The following TBC1D16 variants were observed in gnomAD, a reference collection of about 807,000 sequenced individuals.
TBC1D16 encodes the protein CTD-2529O21.1.
Under a neutral mutation model 74.7 loss-of-function variants are expected in TBC1D16, and 58 were observed. The observed-to-expected ratio is 0.78, with a 90% confidence interval of 0.63 to 0.97. The LOEUF (loss-of-function observed/expected upper bound fraction) is 0.97. Among genes scored for constraint, TBC1D16 ranks in the 50% least tolerant of loss-of-function variants. TBC1D16 has a pLI of 0.00. For synonymous variants in TBC1D16, 493 were observed against 474.7 expected (o/e 1.04, Z -0.50); for missense variants, 1,014 against 1,079.5 (o/e 0.94, Z 0.85).
intron 6 of TBC1D16, 80 bp from the exon 7 acceptor site, chr17:79,949,945 TTGG>T: frequency 1.4e-6 from 2 of 1,480,642 alleles, no homozygotes; most frequent in Non-Finnish European, 1.8e-6. Flanking sequence ...GATGTGTGTT[TTGG>T]TGGTTTTTGG....
Position 80,013,233 on chromosome 17 carries a change from A to G in TBC1D16, c.181+134T>C, listed in dbSNP as rs2035956305. On this transcript the variant is annotated intron_variant, in intron 2 of 11. Coordinates refer to ENST00000310924, the MANE Select transcript of TBC1D16 (RefSeq NM_019020.4). ...CCCCAGACCCTCCTTCCGGGAGGAC[A>G]GCTGCTGTTAGTTACACGTTCTGGA... 3 of 860,962 alleles carry G rather than the reference A, an allele frequency of 3.5e-6. No homozygotes were observed. The African/African-American group carries it at 5.3e-5, about 15-fold the overall frequency. 53.3% of individuals were successfully genotyped at this position (860,962 alleles called of 1,614,324 possible). A position where few individuals can be genotyped will look rare whatever the true frequency, so the allele number is the denominator to read the frequency against.
rs996560985 is a variant in TBC1D16, at chr17:80,020,906, A to C, written c.-62-7297T>G. On this transcript the variant is annotated intron_variant, in intron 1 of 11. Coordinates refer to ENST00000310924, the MANE Select transcript of TBC1D16 (RefSeq NM_019020.4). ...CACAGTGGTTCACACTTGTAATTCCAACAATTTGGGAGGCTGACGTGGGAG... is the reference window on the plus strand; with the variant it reads ...CACAGTGGTTCACACTTGTAATTCCCACAATTTGGGAGGCTGACGTGGGAG... 2.6e-4 allele frequency among the ~76,000 whole-genome samples: 39 copies of C among 150,128 alleles called. 6 individuals are homozygous for C. Among genetic ancestry groups the C allele is most frequent in the African/African-American group, 9.6e-4 (38 of 39,480 alleles).
At position 80,007,249 on chromosome 17, in the gene TBC1D16, A is replaced by AC. The variant is rs1430545500; in HGVS notation, c.779+2910dup. Among the ~76,000 whole-genome samples, 1 of 151,084 alleles carries AC rather than the reference A, an allele frequency of 6.6e-6. No homozygotes were observed. Among genetic ancestry groups the AC allele is most frequent in the Non-Finnish European group, 1.5e-5 (1 of 67,784 alleles). On this transcript the variant is annotated intron_variant, in intron 3 of 11. Coordinates refer to ENST00000310924, the MANE Select transcript of TBC1D16 (RefSeq NM_019020.4). The surrounding 1 kb of genome is among the most constrained non-coding windows in gnomAD (Gnocchi z 4.5). ...GGAGCAGGGCCGGGCTGTGGTAAGC[A>AC]CCCCCCAGCACGGTCTCCGGGTGGG...
At position 79,950,812 on chromosome 17, in the gene TBC1D16, G is replaced by GC; in HGVS notation, c.1090-235dup. 6.5e-7 allele frequency: 1 copy of GC among 1,535,232 alleles called. No individual in the cohort carries two copies. The highest frequency in any genetic ancestry group is 8.7e-7 in the Non-Finnish European group (1 of 1,146,422). Reference sequence around the variant, plus strand: ...TCTCTCCTCCCCGGCCCACTGTGCCGCCGCCCCCCACTCTCTCCAACCCCA... The same window carrying GC: ...TCTCTCCTCCCCGGCCCACTGTGCCGCCCGCCCCCCACTCTCTCCAACCCCA... On this transcript the variant is annotated intron_variant, in intron 5 of 11. Coordinates refer to ENST00000310924, the MANE Select transcript of TBC1D16 (RefSeq NM_019020.4). The surrounding 1 kb of genome is among the most constrained non-coding windows in gnomAD (Gnocchi z 4.6).
chr17:80,030,711 A>C (rs923817155), intron 1 of TBC1D16, among the ~76,000 whole-genome samples: 4 of 152,216 alleles, frequency 2.6e-5, no homozygotes, highest in Non-Finnish European at 4.4e-5. Context: ...TGGAGCTGGC[A>C]GTTCCCACTC....
At chr17:79,992,972 G>A (rs1181485690) in intron 3 of TBC1D16, 1 of 152,354 alleles carries the variant, frequency 6.6e-6, no homozygotes, top group Non-Finnish European at 1.5e-5. Flanking sequence ...CCCTCCTGGG[G>A]ACACAAGGGT....
intron 1 of TBC1D16, among the ~76,000 whole-genome samples, chr17:80,028,879 C>T (rs1016112270): frequency 2.0e-5 from 3 of 152,036 alleles, no homozygotes; most frequent in African/African-American, 7.2e-5. Context: ...CCCAAAGCGC[C>T]GGGATTACAC....
chr17:79,949,115 C>T (rs912114594), intron 7 of TBC1D16, 109 bp from the exon 8 acceptor site: 10 of 1,488,392 alleles, frequency 6.7e-6, no homozygotes, highest in African/African-American at 2.8e-5. Flanking sequence ...GTTCCCTGGA[C>T]GGGAGCTGGG....
intron 3 of TBC1D16, among the ~76,000 whole-genome samples, chr17:79,969,480 A>G (rs1052393761): frequency 6.6e-5 from 10 of 152,230 alleles, no homozygotes; most frequent in African/African-American, 2.4e-4. Flanking sequence ...ATGGGAAATA[A>G]TAAGTGTTGG....
In TBC1D16 at chr17:79,971,538, T is replaced by C. The variant is rs2034104435; in HGVS notation, c.780-18720A>G. On this transcript the variant is annotated intron_variant, in intron 3 of 11. Coordinates refer to ENST00000310924, the MANE Select transcript of TBC1D16 (RefSeq NM_019020.4). This position sits in a 1 kb window ranked among gnomAD's most constrained non-coding sequence, Gnocchi z 4.6. ...GTTCGTTCTGCAGGTTTACACACACTTGAAGGTATCTTCCCATGTTGCTGG... is the reference window on the plus strand; with the variant it reads ...GTTCGTTCTGCAGGTTTACACACACCTGAAGGTATCTTCCCATGTTGCTGG... 6.6e-6 allele frequency among the ~76,000 whole-genome samples: 1 copy of C among 152,224 alleles called. No individual in the cohort carries two copies. Among genetic ancestry groups the C allele is most frequent in the South Asian group, 2.1e-4 (1 of 4,834 alleles).
chr17:79,987,901 G>C lies in TBC1D16; in HGVS notation c.779+22259C>G, dbSNP rs577852124. 8.5e-5 allele frequency among the ~76,000 whole-genome samples: 13 copies of C among 152,182 alleles called. No individual in the cohort carries two copies. The highest frequency in any genetic ancestry group is 3.1e-4 in the African/African-American group (13 of 41,530). The stretch of plus-strand genomic sequence containing the variant: ...TGGGGGCGGGGTGCTGGGAGATGCA[G>C]AGGCTCAGAAAAACCCTCCGAGGCT... On this transcript the variant is annotated intron_variant, in intron 3 of 11. Coordinates refer to ENST00000310924, the MANE Select transcript of TBC1D16 (RefSeq NM_019020.4). The surrounding 1 kb of genome is among the most constrained non-coding windows in gnomAD (Gnocchi z 5.2).
chr17:80,013,307 C>T, intron 2 of TBC1D16, 60 bp downstream of exon 2: 3 of 1,508,198 alleles, frequency 2.0e-6, no homozygotes, highest in Non-Finnish European at 2.7e-6. Context: ...GCCTTTAGAG[C>T]CCTGGCTCGG....
chr17:80,020,571 C>T lies in TBC1D16; in HGVS notation c.-62-6962G>A, dbSNP rs552861161. Among the ~76,000 whole-genome samples, 39 of 149,238 alleles carry T rather than the reference C, an allele frequency of 2.6e-4. 3 individuals carry two copies. The highest frequency in any genetic ancestry group is 3.9e-4 in the East Asian group (2 of 5,144). On this transcript the variant is annotated intron_variant, in intron 1 of 11. Transcript: ENST00000310924. ...CTGCACTCCAGCCTGGGAGACAGAG[C>T]GAGACTCCATCTCAAAACAAATAAA...
Position 79,988,881 on chromosome 17 carries a change from G to T in TBC1D16, c.779+21279C>A, listed in dbSNP as rs942286300. On this transcript the variant is annotated intron_variant, in intron 3 of 11. Transcript: ENST00000310924. The surrounding 1 kb of genome is among the most constrained non-coding windows in gnomAD (Gnocchi z 5.7). ...CCGTCTTCTGGGCTCTGCTGGGCTGGACGGTGCCACCCTCCCCAACCCGCA... is the reference window on the plus strand; with the variant it reads ...CCGTCTTCTGGGCTCTGCTGGGCTGTACGGTGCCACCCTCCCCAACCCGCA... Among the ~76,000 whole-genome samples the T allele has an allele frequency of 6.6e-6, 1 of 152,188 alleles. No homozygotes were observed. The highest frequency in any genetic ancestry group is 2.4e-5 in the African/African-American group (1 of 41,456).
chr17:79,972,680 G>A (rs571122935), intron 3 of TBC1D16, among the ~76,000 whole-genome samples: 4 of 152,254 alleles, frequency 2.6e-5, no homozygotes, highest in South Asian at 2.1e-4. Flanking sequence ...GTTGTTTAAC[G>A]GGAACAGAGT....
At chr17:79,995,030 G>A (rs1480529720) in intron 3 of TBC1D16, among the ~76,000 whole-genome samples, 1 of 152,080 alleles carries the variant, frequency 6.6e-6, no homozygotes, top group Non-Finnish European at 1.5e-5. Flanking sequence ...CGGGCACCGT[G>A]GCTCATAGCC....
At chr17:79,967,879 G>A (rs1264679011) in intron 3 of TBC1D16, among the ~76,000 whole-genome samples, 1 of 152,176 alleles carries the variant, frequency 6.6e-6, no homozygotes, top group Non-Finnish European at 1.5e-5. Context: ...AATGGCATAA[G>A]GATAGACATA....
At chr17:80,005,070 C>T (rs1189233334) in intron 3 of TBC1D16, among the ~76,000 whole-genome samples, 1 of 151,368 alleles carries the variant, frequency 6.6e-6, no homozygotes, top group African/African-American at 2.4e-5. Context: ...TTTTGTTGTT[C>T]TTGTTTTTGT....
At position 79,933,333 on chromosome 17, in the gene TBC1D16, T is replaced by C. The variant is rs2031375384; in HGVS notation, c.*7526A>G. ...CACTGGGACGAAGAGGGGGCACAGA[T>C]GCAGGTATGCCCAGGTACCTGAGTC... On this transcript the variant is annotated 3_prime_UTR_variant, in exon 12 of 12. Coordinates refer to ENST00000310924, the MANE Select transcript of TBC1D16 (RefSeq NM_019020.4). 1 of 152,132 alleles carries C rather than the reference T, an allele frequency of 6.6e-6. No homozygotes were observed. Among genetic ancestry groups the C allele is most frequent in the Admixed American group, 6.5e-5 (1 of 15,268 alleles). 9.4% of individuals were successfully genotyped at this position (152,132 alleles called of 1,614,324 possible). A position where few individuals can be genotyped will look rare whatever the true frequency, so the allele number is the denominator to read the frequency against.
Sources: allele counts gnomAD v4.1 joint callset (sites outside exome capture counted in the v4.1 genomes callset), GRCh38; gene constraint gnomAD v4.1.1; non-coding constraint Gnocchi (gnomAD v3.1); transcripts MANE v1.5; gene names NCBI Gene and HGNC (gene_info 2026-07-23, HGNC 2026-07-21).